PUM2: variants seen among roughly 807,000 people sequenced by gnomAD.
PUM2 encodes the protein pumilio homolog 2.
In PUM2, 57 loss-of-function variants were observed where a neutral mutation model predicts 124.5. That is an observed-to-expected ratio of 0.46 (90% CI 0.37 to 0.57). The LOEUF is 0.57. PUM2 is among the 20% of genes least tolerant of loss of function. The pLI is 0.00. For missense variants in PUM2, 1,065 were observed against 1,290.6 expected (o/e 0.83, Z 2.68); for synonymous variants, 460 against 446.1 (o/e 1.03, Z -0.39).
chr2:20,278,224 T>C (rs1670689999), intron 13 of PUM2, among the ~76,000 whole-genome samples: 1 of 152,172 alleles, frequency 6.6e-6, no homozygotes, highest in Non-Finnish European at 1.5e-5. Context: ...ACTAATGTTT[T>C]TCTTATGGTG....
intron 1 of PUM2, among the ~76,000 whole-genome samples, chr2:20,334,633 A>G (rs1355220685): frequency 6.6e-6 from 1 of 152,220 alleles, no homozygotes; most frequent in Non-Finnish European, 1.5e-5. Context: ...GTATCTGGAT[A>G]GTGACTAAGT....
intron 20 of PUM2, 89 bp from the exon 21 acceptor site, chr2:20,251,805 G>C (rs1663419013): frequency 6.9e-7 from 1 of 1,443,008 alleles, no homozygotes; most frequent in Admixed American, 2.2e-5. Flanking sequence ...GTAATTTAGA[G>C]GAATAACTGC....
At chr2:20,279,331 T>C (rs773588842) in intron 12 of PUM2, among the ~76,000 whole-genome samples, 20 of 152,308 alleles carry the variant, frequency 1.3e-4, no homozygotes, top group Middle Eastern at 3.4e-3. Flanking sequence ...TTTAAGTCCA[T>C]ATTGGCCCGA....
chr2:20,311,825 G>A (rs73919430), intron 4 of PUM2, among the ~76,000 whole-genome samples, 162 bp from the exon 5 acceptor site: 1,793 of 152,110 alleles, frequency 0.012, 35 homozygotes, highest in African/African-American at 0.041. Flanking sequence ...AAAAAATTGC[G>A]TACAAACTAG....
Position 20,258,293 on chromosome 2 carries a change from CA to C in PUM2, c.2433del (p.Tyr811Ter). Reference protein sequence around the residue: ...GHVLPLALQMYGCRVIQKALE... With the variant: ...GHVLPLALQMXGCRVIQKALE... ...AATGCTTTCTGAATAACGCGGCAGC[CA>C]TACATCTGCAAGGCTAAGGGTAGAA... On this transcript the variant is annotated frameshift_variant, in exon 16 of 21. Transcript: ENST00000361078. LOFTEE classifies it high-confidence loss of function. 1 of 1,611,788 alleles carries C rather than the reference CA, an allele frequency of 6.2e-7. No homozygotes were observed. The highest frequency in any genetic ancestry group is 8.5e-7 in the Non-Finnish European group (1 of 1,178,468).
At chr2:20,259,889 A>G (rs1665750013) in intron 15 of PUM2, among the ~76,000 whole-genome samples, 1 of 152,154 alleles carries the variant, frequency 6.6e-6, no homozygotes, top group African/African-American at 2.4e-5. Flanking sequence ...TTACATTTCC[A>G]CCAGCAATTT....
chr2:20,322,505 G>A (rs1682616460), intron 2 of PUM2, among the ~76,000 whole-genome samples: 1 of 152,142 alleles, frequency 6.6e-6, no homozygotes. Context: ...AGCTATTTAG[G>A]AGGCTGAGAT....
intron 1 of PUM2, among the ~76,000 whole-genome samples, chr2:20,347,977 A>C (rs1172513255): frequency 2.0e-5 from 3 of 152,170 alleles, no homozygotes; most frequent in Non-Finnish European, 4.4e-5. Context: ...ATCAAAGCGA[A>C]GTGAGGAGGC....
In PUM2 at chr2:20,283,179, A is replaced by G. The variant is rs1671947585; in HGVS notation, c.1488T>C (p.Asn496=). Residue 496 remains asparagine, a synonymous_variant, in exon 12 of 21, where the codon AAT becomes AAC. Transcript: ENST00000361078. ...GTASSLTGST[N]GLFRPIGTQP... ...GAGTGCCAATTGGCCGAAACAGACCATTTGTGCTGCCTGTAAGGCTACTTG... is the reference window on the plus strand; with the variant it reads ...GAGTGCCAATTGGCCGAAACAGACCGTTTGTGCTGCCTGTAAGGCTACTTG... 1.2e-6 allele frequency: 2 copies of G among 1,614,110 alleles called. No individual in the cohort carries two copies. Among genetic ancestry groups the G allele is most frequent in the Non-Finnish European group, 1.7e-6 (2 of 1,180,012 alleles).
At chr2:20,334,630 G>T (rs1190842119) in intron 1 of PUM2, among the ~76,000 whole-genome samples, 1 of 152,062 alleles carries the variant, frequency 6.6e-6, no homozygotes, top group Non-Finnish European at 1.5e-5. Flanking sequence ...TTAGTATCTG[G>T]ATAGTGACTA....
intron 5 of PUM2, among the ~76,000 whole-genome samples, chr2:20,309,076 A>G (rs1277271549): frequency 6.6e-6 from 1 of 152,174 alleles, no homozygotes; most frequent in East Asian, 1.9e-4. Context: ...GCCATAAGAG[A>G]TCATAATGGT....
chr2:20,264,383 T>G (rs1299676046), intron 13 of PUM2, among the ~76,000 whole-genome samples: 1 of 114,452 alleles, frequency 8.7e-6, no homozygotes, highest in Non-Finnish European at 1.7e-5. Flanking sequence ...TATATATATA[T>G]ATATATATAT....
chr2:20,255,377 C>A, intron 17 of PUM2, 36 bp from the exon 18 acceptor site: 1 of 1,589,426 alleles, frequency 6.3e-7, no homozygotes, highest in Non-Finnish European at 8.6e-7. Context: ...TTTGTATTCT[C>A]TGACATTTTT....
In PUM2 at chr2:20,272,763, T is replaced by C. The variant is rs551330980; in HGVS notation, c.1957+5820A>G. 1.8e-4 allele frequency among the ~76,000 whole-genome samples: 27 copies of C among 152,350 alleles called. No homozygotes were observed. In the East Asian group the frequency reaches 2.3e-3, roughly 13 times the overall value. On this transcript the variant is annotated intron_variant, in intron 13 of 20. Coordinates refer to ENST00000361078, the MANE Select transcript of PUM2 (RefSeq NM_015317.5). ...TAGAAGAAAGCTGGTATCTTTATAA[T>C]AGGGAGTCTTTCAACCTAAAATATG...
At chr2:20,339,774 G>T (rs535739797) in intron 1 of PUM2, among the ~76,000 whole-genome samples, 1 of 152,238 alleles carries the variant, frequency 6.6e-6, no homozygotes, top group East Asian at 1.9e-4. Flanking sequence ...CATCCTCTTG[G>T]GAGGCTGAAG....
chr2:20,327,209 G>C, intron 2 of PUM2, 101 bp downstream of exon 2: 2 of 767,358 alleles, frequency 2.6e-6, no homozygotes, highest in South Asian at 3.1e-5. Flanking sequence ...TGGAAGATAT[G>C]ACCACTATTT....
intron 1 of PUM2, among the ~76,000 whole-genome samples, chr2:20,330,217 C>T (rs1161828975): frequency 1.3e-5 from 2 of 152,194 alleles, no homozygotes; most frequent in South Asian, 2.1e-4. Context: ...CAGACTTTTA[C>T]ACCTGCGGAA....
At chr2:20,312,516 C>T (rs1679847753) in intron 3 of PUM2, 93 bp from the exon 4 acceptor site, 1 of 1,177,238 alleles carries the variant, frequency 8.5e-7, no homozygotes, top group African/African-American at 1.6e-5. Context: ...AAAATCAGCA[C>T]ATTGTTTTAT....
intron 1 of PUM2, among the ~76,000 whole-genome samples, chr2:20,341,227 T>C (rs1687166349): frequency 6.6e-6 from 1 of 152,100 alleles, no homozygotes. Context: ...AAGTTTCTCT[T>C]TTGGAAATTT....
Sources: allele counts gnomAD v4.1 joint callset (sites outside exome capture counted in the v4.1 genomes callset), GRCh38; gene constraint gnomAD v4.1.1; transcripts MANE v1.5; gene names NCBI Gene and HGNC (gene_info 2026-07-23, HGNC 2026-07-21).